AGAP1: variants seen among roughly 807,000 people sequenced by gnomAD.
The protein encoded by AGAP1 is ArfGAP with GTPase domain, ankyrin repeat and PH domain 1, also known as arf-GAP with GTPase, ANK repeat and PH domain-containing protein 1.
A neutral mutation model predicts 105.3 loss-of-function variants in AGAP1; 29 were observed. The ratio of observed to expected loss-of-function variants is 0.28; its 90% CI spans 0.21 to 0.38. The LOEUF (loss-of-function observed/expected upper bound fraction) is 0.38. Ranked by LOEUF, AGAP1 falls within the 10% of genes least tolerant of loss-of-function variation. The pLI, the probability that AGAP1 is intolerant of heterozygous loss-of-function variation, is 1.00. For synonymous variants in AGAP1, 509 were observed against 485.9 expected, an observed-to-expected ratio of 1.05 and a Z score of -0.63; for missense variants, 998 against 1,165.1, an observed-to-expected ratio of 0.86 and a Z score of 2.09.
rs1957109651 is a variant in AGAP1 at position 235,793,725 on chromosome 2, T to G, written c.674-4034T>G. The stretch of plus-strand genomic sequence containing the variant: ...GGCGTGAGGTTGGCCCGGAGGCTCC[T>G]AGTGTGACCAAGGGCTATTCCTTGC... On this transcript the variant is annotated intron_variant, in intron 6 of 17. Transcript: ENST00000304032. The surrounding 1 kb of genome is among the most constrained non-coding windows in gnomAD (Gnocchi z 5.3). Among the ~76,000 whole-genome samples, 1 of 152,290 alleles carries G rather than the reference T, an allele frequency of 6.6e-6. No homozygotes were observed. The highest frequency in any genetic ancestry group is 2.1e-4 in the South Asian group (1 of 4,822).
chr2:235,738,453 G>A (rs1330527751), intron 3 of AGAP1, among the ~76,000 whole-genome samples: 1 of 152,114 alleles, frequency 6.6e-6, no homozygotes, highest in Non-Finnish European at 1.5e-5. Context: ...AACCTGGTGG[G>A]CTGGTGCCTG....
Position 235,842,118 on chromosome 2 carries a change from C to T in AGAP1, c.1050+34787C>T, listed in dbSNP as rs1960931078. 6.6e-6 allele frequency among the ~76,000 whole-genome samples: 1 copy of T among 152,190 alleles called. No individual in the cohort carries two copies. Among genetic ancestry groups the T allele is most frequent in the South Asian group, 2.1e-4 (1 of 4,818 alleles). On this transcript the variant is annotated intron_variant, in intron 9 of 17. Coordinates refer to ENST00000304032, the MANE Select transcript of AGAP1 (RefSeq NM_001037131.3). This position sits in a 1 kb window ranked among gnomAD's most constrained non-coding sequence, Gnocchi z 5.3. ...GGCTCACTCCATGGCTGCCCCTCTC[C>T]CCAGCCTGCTGGCGTTGGGCTTCCT...
intron 6 of AGAP1, among the ~76,000 whole-genome samples, chr2:235,766,459 T>C (rs1323975306): frequency 1.3e-5 from 2 of 152,192 alleles, no homozygotes; most frequent in Non-Finnish European, 2.9e-5. Context: ...GCTGTCACCA[T>C]GGAGAATACA....
At chr2:235,680,451 C>G (rs1408037784) in intron 1 of AGAP1, among the ~76,000 whole-genome samples, 1 of 152,082 alleles carries the variant, frequency 6.6e-6, no homozygotes, top group African/African-American at 2.4e-5. Context: ...TCCATTTGGA[C>G]CCGTCTCAGG....
At chr2:235,717,472 CCTGT>C (rs1416043702) in intron 2 of AGAP1, 81 bp from the exon 3 acceptor site, 3 of 1,140,882 alleles carry the variant, frequency 2.6e-6, no homozygotes, top group Non-Finnish European at 1.2e-6. Flanking sequence ...GTTTAGGCCT[CCTGT>C]CTATTTTAGC....
At chr2:235,613,142 G>C (rs1946194402) in intron 1 of AGAP1, among the ~76,000 whole-genome samples, 1 of 151,426 alleles carries the variant, frequency 6.6e-6, no homozygotes, top group Non-Finnish European at 1.5e-5. Flanking sequence ...ATTACAGGCA[G>C]GCACCACCAT....
chr2:235,575,142 AC>A (rs1215627488), intron 1 of AGAP1, among the ~76,000 whole-genome samples: 16 of 89,828 alleles, frequency 1.8e-4, no homozygotes, highest in African/African-American at 1.5e-3. Context: ...AAAACAACAA[AC>A]CAAAAAAAAA....
At chr2:236,034,301 A>ATT (rs11303036) in intron 13 of AGAP1, among the ~76,000 whole-genome samples, 127 of 146,662 alleles carry the variant, frequency 8.7e-4, no homozygotes, top group African/African-American at 2.7e-3. Flanking sequence ...AGTTACAATG[A>ATT]TTTTTTTTTT....
Position 236,102,152 on chromosome 2 carries a change from T to G in AGAP1, c.2115-18040T>G, listed in dbSNP as rs560771674. ...CAAAAATTAGGCCGGGCGCGGTGGCTCACGCCTGTAATCCCAGCACTTTGG... is the reference window on the plus strand; with the variant it reads ...CAAAAATTAGGCCGGGCGCGGTGGCGCACGCCTGTAATCCCAGCACTTTGG... On this transcript the variant is annotated intron_variant, in intron 16 of 17. Transcript: ENST00000304032. Among the ~76,000 whole-genome samples, 6 of 152,038 alleles carry G rather than the reference T, an allele frequency of 3.9e-5. No homozygotes were observed. The South Asian group carries it at 1.2e-3, about 32-fold the overall frequency.
chr2:236,025,712 C>CT (rs1445955982), intron 13 of AGAP1, among the ~76,000 whole-genome samples: 2 of 152,146 alleles, frequency 1.3e-5, no homozygotes, highest in Non-Finnish European at 2.9e-5. Flanking sequence ...TTAGTCAGAA[C>CT]TAGGTTTAGT....
chr2:235,847,080 T>C (rs189754769), intron 9 of AGAP1, among the ~76,000 whole-genome samples: 5 of 152,290 alleles, frequency 3.3e-5, no homozygotes, highest in Admixed American at 2.6e-4. Flanking sequence ...GTCACACAGG[T>C]AGACCAGCAA....
chr2:235,975,743 C>A (rs1045930333), intron 13 of AGAP1, among the ~76,000 whole-genome samples: 1 of 152,128 alleles, frequency 6.6e-6, no homozygotes, highest in South Asian at 2.1e-4. Context: ...GTCATTCTTC[C>A]CTCAGGTTTT....
At chr2:235,636,100 C>T (rs1239312561) in intron 1 of AGAP1, among the ~76,000 whole-genome samples, 8 of 145,432 alleles carry the variant, frequency 5.5e-5, no homozygotes, top group South Asian at 4.4e-4. Flanking sequence ...GCAACAAGAG[C>T]GAGACTCTGT....
chr2:235,968,674 C>CT, intron 13 of AGAP1, 51 bp downstream of exon 13: 1 of 1,570,526 alleles, frequency 6.4e-7, no homozygotes, highest in Non-Finnish European at 8.6e-7. Flanking sequence ...GGAAAATTCT[C>CT]TGTTATTTTT....
chr2:235,876,457 T>C (rs2049730385), intron 9 of AGAP1, among the ~76,000 whole-genome samples: 1 of 152,184 alleles, frequency 6.6e-6, no homozygotes, highest in Admixed American at 6.5e-5. Context: ...TCTTCCTCTC[T>C]CATGGCTCCT....
chr2:235,810,158 T>C (rs1343780778), intron 9 of AGAP1, among the ~76,000 whole-genome samples: 1 of 152,186 alleles, frequency 6.6e-6, no homozygotes, highest in Non-Finnish European at 1.5e-5. Context: ...ATCTTACGAC[T>C]GTATAAAGAA....
chr2:236,094,923 CAAAAAA>C lies in AGAP1; in HGVS notation c.2115-25248_2115-25243del, dbSNP rs59126473. ...ATCACAGCAAGAGACCCCATCTCTACAAAAAAAAAAAAAAAAAAAAAAAAAATTAGC... is the reference window on the plus strand; with the variant it reads ...ATCACAGCAAGAGACCCCATCTCTACAAAAAAAAAAAAAAAAAAAATTAGC... On this transcript the variant is annotated intron_variant, in intron 16 of 17. Coordinates refer to ENST00000304032, the MANE Select transcript of AGAP1 (RefSeq NM_001037131.3). Among the ~76,000 whole-genome samples the C allele has an allele frequency of 3.4e-3, 130 of 37,778 alleles. No individual in the cohort carries two copies. In the South Asian group the frequency reaches 0.088, roughly 26 times the overall value. The allele number at this position is 37,778 out of a possible 152,430, so 24.8% of individuals were successfully genotyped here.
chr2:235,923,867 A>G (rs2052313659), intron 11 of AGAP1, among the ~76,000 whole-genome samples: 1 of 152,186 alleles, frequency 6.6e-6, no homozygotes, highest in Non-Finnish European at 1.5e-5. Context: ...AGGAGAAGAG[A>G]AATCTTAAAG....
Position 236,056,706 on chromosome 2 carries a change from C to G in AGAP1, c.2114+7425C>G, listed in dbSNP as rs1360198120. On this transcript the variant is annotated intron_variant, in intron 16 of 17. Coordinates refer to ENST00000304032, the MANE Select transcript of AGAP1 (RefSeq NM_001037131.3). This position sits in a 1 kb window ranked among gnomAD's most constrained non-coding sequence, Gnocchi z 4.6. Reference sequence around the variant, plus strand: ...CTAGTGAACTTTTCTCTTTCTTCTTCTTAATGAAGAGGAGGGAGACAAAAA... The same window carrying G: ...CTAGTGAACTTTTCTCTTTCTTCTTGTTAATGAAGAGGAGGGAGACAAAAA... Among the ~76,000 whole-genome samples, 1 of 152,144 alleles carries G rather than the reference C, an allele frequency of 6.6e-6. No homozygotes were observed. The highest frequency in any genetic ancestry group is 1.5e-5 in the Non-Finnish European group (1 of 68,028).
Sources: gnomAD v4.1 joint callset for allele counts (sites outside exome capture counted in the v4.1 genomes callset) on GRCh38, gnomAD v4.1.1 for gene constraint, Gnocchi (gnomAD v3.1) non-coding constraint, MANE v1.5 for transcripts, NCBI Gene and HGNC (gene_info 2026-07-23, HGNC 2026-07-21) for gene names.